SLC24A2: variants seen among roughly 807,000 people sequenced by gnomAD.
The protein encoded by SLC24A2 is solute carrier family 24 member 2, also known as sodium/potassium/calcium exchanger 2.
In SLC24A2, 36 loss-of-function variants were observed where a neutral mutation model predicts 62.0. The observed-to-expected ratio is 0.58, with a 90% CI of 0.44 to 0.77. SLC24A2 has a LOEUF of 0.77. Ranked by LOEUF, SLC24A2 falls within the 30% of genes least tolerant of loss-of-function variation. The probability of loss-of-function intolerance (pLI) is 0.00; values close to 1 mark genes in which losing one functional copy is unlikely to be tolerated. For synonymous variants in SLC24A2, 358 were observed against 294.0 expected (o/e 1.22, Z -2.23); for missense variants, 846 against 817.9 (o/e 1.03, Z -0.42).
At chr9:20,215,223 T>A in the SLC24A2 span, among the ~76,000 whole-genome samples, 1 of 152,180 alleles carries the variant, frequency 6.6e-6, no homozygotes, top group Non-Finnish European at 1.5e-5. Flanking sequence ...ATAAGGACTC[T>A]ACTCCCAATC....
chr9:19,798,621 CA>C, the SLC24A2 span, among the ~76,000 whole-genome samples: 1 of 151,668 alleles, frequency 6.6e-6, no homozygotes, highest in African/African-American at 2.4e-5. Context: ...CACACACACA[CA>C]CACACCCCTG....
the SLC24A2 span, among the ~76,000 whole-genome samples, chr9:20,303,243 G>A: frequency 1.3e-5 from 2 of 152,008 alleles, no homozygotes; most frequent in African/African-American, 4.8e-5. Flanking sequence ...AAAGAACCCT[G>A]AGGGGAAACA....
chr9:20,268,835 G>A, the SLC24A2 span, among the ~76,000 whole-genome samples: 1 of 152,118 alleles, frequency 6.6e-6, no homozygotes, highest in African/African-American at 2.4e-5. Context: ...GGCAGTCTCT[G>A]GCCCAAAATA....
chr9:20,193,963 A>C, the SLC24A2 span, among the ~76,000 whole-genome samples: 2 of 152,188 alleles, frequency 1.3e-5, no homozygotes, highest in African/African-American at 4.8e-5. Context: ...TATAGTAATC[A>C]AATAGAAGTA....
the SLC24A2 span, among the ~76,000 whole-genome samples, chr9:20,169,325 C>A: frequency 6.6e-6 from 1 of 151,944 alleles, no homozygotes; most frequent in Non-Finnish European, 1.5e-5. Flanking sequence ...ATGGACAGAG[C>A]AGCATGTGGA....
the SLC24A2 span, among the ~76,000 whole-genome samples, chr9:19,952,365 C>A: frequency 6.6e-6 from 1 of 151,916 alleles, no homozygotes; most frequent in Non-Finnish European, 1.5e-5. Context: ...GAGTGGATAT[C>A]CTTCAATTTT....
At chr9:19,843,494 A>T in the SLC24A2 span, among the ~76,000 whole-genome samples, 1 of 152,218 alleles carries the variant, frequency 6.6e-6, no homozygotes, top group Admixed American at 6.5e-5. Flanking sequence ...CCTGGGCAAC[A>T]AGAGCGAAAC....
the SLC24A2 span, among the ~76,000 whole-genome samples, chr9:20,256,860 T>A: frequency 6.6e-6 from 1 of 150,534 alleles, no homozygotes; most frequent in African/African-American, 2.5e-5. Context: ...CATGAAATAG[T>A]CCCCAAGGGT....
At chr9:20,125,061 A>G in the SLC24A2 span, among the ~76,000 whole-genome samples, 2 of 152,202 alleles carry the variant, frequency 1.3e-5, no homozygotes, top group Non-Finnish European at 2.9e-5. Flanking sequence ...AGCCAACTGC[A>G]TAATCTTGCC....
chr9:20,017,055 C>T, the SLC24A2 span, among the ~76,000 whole-genome samples: 1 of 152,182 alleles, frequency 6.6e-6, no homozygotes, highest in Non-Finnish European at 1.5e-5. Context: ...CAGAGTCTCA[C>T]TCTGTGGCCC....
intron 2 of SLC24A2, among the ~76,000 whole-genome samples, chr9:19,747,758 G>A (rs910591317): frequency 6.6e-6 from 1 of 152,158 alleles, no homozygotes; most frequent in Non-Finnish European, 1.5e-5. Flanking sequence ...ACACACTTGT[G>A]ATGGCACAGA....
At chr9:19,666,755 A>G (rs1587123299) in intron 2 of SLC24A2, among the ~76,000 whole-genome samples, 1 of 152,108 alleles carries the variant, frequency 6.6e-6, no homozygotes, top group East Asian at 1.9e-4. Flanking sequence ...TGTTTTTTTC[A>G]ATGCAGGACA....
the SLC24A2 span, among the ~76,000 whole-genome samples, chr9:20,300,743 T>C: frequency 2.0e-5 from 3 of 152,212 alleles, no homozygotes; most frequent in South Asian, 6.2e-4. Context: ...CTATTTAAAA[T>C]ATTTAATTAA....
chr9:20,269,012 G>T, the SLC24A2 span, among the ~76,000 whole-genome samples: 543 of 152,296 alleles, frequency 3.6e-3, 1 homozygote, highest in African/African-American at 0.011. Flanking sequence ...TTGTTGCTAA[G>T]AATTATTTTT....
At chr9:20,236,172 T>C in the SLC24A2 span, among the ~76,000 whole-genome samples, 70 of 152,372 alleles carry the variant, frequency 4.6e-4, no homozygotes, top group African/African-American at 1.6e-3. Context: ...CACGTGTCTC[T>C]GTGCTAAAGA....
At chr9:20,267,058 GA>G in the SLC24A2 span, among the ~76,000 whole-genome samples, 199 of 127,544 alleles carry the variant, frequency 1.6e-3, no homozygotes, top group Middle Eastern at 4.4e-3. Flanking sequence ...CTTAAGAAAT[GA>G]AAAAAAAAAA....
the SLC24A2 span, among the ~76,000 whole-genome samples, chr9:20,053,035 A>G: frequency 2.2e-4 from 33 of 152,192 alleles, no homozygotes; most frequent in Non-Finnish European, 4.9e-4. Flanking sequence ...GTTTCATTGA[A>G]TATAAAATAT....
intron 2 of SLC24A2, among the ~76,000 whole-genome samples, chr9:19,718,787 T>C (rs1820941315): frequency 6.6e-6 from 1 of 152,202 alleles, no homozygotes; most frequent in Non-Finnish European, 1.5e-5. Flanking sequence ...TTTTAGTTCA[T>C]TGAAAGATGA....
intron 2 of SLC24A2, among the ~76,000 whole-genome samples, chr9:19,733,978 G>A (rs1297430305): frequency 6.6e-6 from 1 of 152,172 alleles, no homozygotes; most frequent in African/African-American, 2.4e-5. Context: ...GGGGTGGGGT[G>A]AGGTTACTTT....
Sources: gnomAD v4.1 joint callset for allele counts (sites outside exome capture counted in the v4.1 genomes callset) on GRCh38, gnomAD v4.1.1 for gene constraint, MANE v1.5 for transcripts, NCBI Gene and HGNC (gene_info 2026-07-23, HGNC 2026-07-21) for gene names.